C5orf22: variants seen among roughly 807,000 people sequenced by gnomAD.
C5orf22 encodes the protein UPF0489 protein C5orf22.
A neutral mutation model predicts 48.7 loss-of-function variants in C5orf22; 36 were observed. That is an observed-to-expected ratio of 0.74 (90% CI 0.57 to 0.98). C5orf22 has a LOEUF of 0.98. Ranked by LOEUF, C5orf22 falls within the 50% of genes least tolerant of loss-of-function variation. The pLI is 0.00. For missense variants in C5orf22, 486 were observed against 521.9 expected, an observed-to-expected ratio of 0.93 and a Z score of 0.67; for synonymous variants, 141 against 180.8, an observed-to-expected ratio of 0.78 and a Z score of 1.76.
At chr5:31,549,454 T>G (rs188741565) in intron 7 of C5orf22, among the ~76,000 whole-genome samples, 3 of 149,106 alleles carry the variant, frequency 2.0e-5, no homozygotes, top group African/African-American at 7.5e-5. Context: ...AGACTTAAAC[T>G]TTTTTGTTTA....
chr5:31,551,233 T>A, intron 7 of C5orf22, 60 bp from the exon 8 acceptor site: 1 of 1,536,200 alleles, frequency 6.5e-7, no homozygotes, highest in African/African-American at 1.4e-5. Context: ...CCATTAATGA[T>A]TAAAGAAGCT....
chr5:31,533,173 T>C lies in C5orf22; in HGVS notation c.81+700T>C, dbSNP rs541524149. Among the ~76,000 whole-genome samples, 7 of 152,082 alleles carry C rather than the reference T, an allele frequency of 4.6e-5. 1 individual carries two copies. Among genetic ancestry groups the C allele is most frequent in the African/African-American group, 1.7e-4 (7 of 41,486 alleles). On this transcript the variant is annotated intron_variant, in intron 1 of 8. Coordinates refer to ENST00000325366, the MANE Select transcript of C5orf22 (RefSeq NM_018356.3). ...CTTCGCCACGTTAGCCAGGATGGTC[T>C]GAAAGTCTGACCTCACGTGATCGGC...
chr5:31,546,975 A>AAAGTC, intron 7 of C5orf22, among the ~76,000 whole-genome samples: 1 of 152,306 alleles, frequency 6.6e-6, no homozygotes, highest in East Asian at 1.9e-4. Flanking sequence ...CATTAACTCA[A>AAAGTC]AAGTCCACAG....
Position 31,532,441 on chromosome 5 carries a change from C to T in C5orf22, c.49C>T (p.Leu17Phe). The stretch of plus-strand genomic sequence containing the variant: ...CGCTGGTCTCCGGCGTTACCCCAAG[C>T]TCCCAGTGTGGGTGGTGGAGGATCA... The part of the protein sequence containing the change: ...GRAGLRRYPK[L>F]PVWVVEDHQE... The change falls in exon 1 of 9, where the codon CTC becomes TTC. Residue 17 changes from leucine to phenylalanine, a missense_variant. Leu to Phe is a conservative substitution (Grantham distance 22). Coordinates refer to ENST00000325366, the MANE Select transcript of C5orf22 (RefSeq NM_018356.3). 1 of 1,613,934 alleles carries T rather than the reference C, an allele frequency of 6.2e-7. No homozygotes were observed.
In C5orf22 at chr5:31,553,029, T is replaced by C; in HGVS notation, c.*127T>C. The C allele has an allele frequency of 1.1e-6, 1 of 922,514 alleles. No homozygotes were observed. Among genetic ancestry groups the C allele is most frequent in the African/African-American group, 1.7e-5 (1 of 59,774 alleles). 57.1% of individuals were successfully genotyped at this position (922,514 alleles called of 1,614,324 possible). ...ACTTTCAGTTGAAATCTTTCAGATA[T>C]TTTGAATCTCTGAACAACCATTGTC... On this transcript the variant is annotated 3_prime_UTR_variant, in exon 9 of 9. Coordinates refer to ENST00000325366, the MANE Select transcript of C5orf22 (RefSeq NM_018356.3).
intron 8 of C5orf22, 135 bp downstream of exon 8, chr5:31,551,567 T>G: frequency 2.9e-6 from 2 of 695,400 alleles, no homozygotes; most frequent in Non-Finnish European, 4.8e-6. Flanking sequence ...GATGAGATTA[T>G]CCTGGATTTA....
At chr5:31,544,540 T>C (rs1344620756) in intron 6 of C5orf22, among the ~76,000 whole-genome samples, 3 of 150,582 alleles carry the variant, frequency 2.0e-5, no homozygotes, top group East Asian at 2.0e-4. Flanking sequence ...GCCGAGATCG[T>C]GCCACTGCAC....
rs1335238689 is a variant in C5orf22, at chr5:31,553,152, TG to T, written c.*251del. ...CTTCCTTAAGTATTTTTTAGGGTTT[TG>T]TTTTTTTTTTTGTTTGTTTGTTTGT... On this transcript the variant is annotated 3_prime_UTR_variant, in exon 9 of 9. Transcript: ENST00000325366. 4 of 295,944 alleles carry T rather than the reference TG, an allele frequency of 1.4e-5. No individual in the cohort carries two copies. Among genetic ancestry groups the T allele is most frequent in the Admixed American group, 9.4e-5 (2 of 21,304 alleles). The allele number at this position is 295,944 out of a possible 1,614,324, so 18.3% of individuals were successfully genotyped here. A position where few individuals can be genotyped will look rare whatever the true frequency, so the allele number is the denominator to read the frequency against.
Position 31,545,244 on chromosome 5 carries a change from G to T in C5orf22, c.993-402G>T, listed in dbSNP as rs574784554. Among the ~76,000 whole-genome samples the T allele has an allele frequency of 2.0e-5, 3 of 152,056 alleles. 1 individual carries two copies. Among genetic ancestry groups the T allele is most frequent in the African/African-American group, 7.2e-5 (3 of 41,484 alleles). ...TGGCTAATTTTGTATTTTTAGTCGA[G>T]ACAGGGTTTCACCACATTGGCCAGG... is the stretch of plus-strand genomic sequence containing the variant. On this transcript the variant is annotated intron_variant, in intron 6 of 8. Coordinates refer to ENST00000325366, the MANE Select transcript of C5orf22 (RefSeq NM_018356.3).
chr5:31,535,959 A>T, intron 3 of C5orf22, 66 bp downstream of exon 3: 1 of 1,495,080 alleles, frequency 6.7e-7, no homozygotes, highest in African/African-American at 1.4e-5. Context: ...GGATTCCTAT[A>T]ATAACTTCAT....
chr5:31,551,181 CAT>C, intron 7 of C5orf22, 110 bp from the exon 8 acceptor site: 1 of 1,031,526 alleles, frequency 9.7e-7, no homozygotes, highest in East Asian at 2.6e-5. Flanking sequence ...AAAATATGCA[CAT>C]CTTTTATGTA....
chr5:31,553,999 T>A lies in C5orf22; in HGVS notation c.*1097T>A, dbSNP rs1355671315. On this transcript the variant is annotated 3_prime_UTR_variant, in exon 9 of 9. Transcript: ENST00000325366. Reference sequence around the variant, plus strand: ...ATCTTTAATTCTGACCTGCCATAAATACCCAAAGATATAAACTGTCTTCCA... The same window carrying A: ...ATCTTTAATTCTGACCTGCCATAAAAACCCAAAGATATAAACTGTCTTCCA... 2 of 152,144 alleles carry A rather than the reference T, an allele frequency of 1.3e-5. No individual in the cohort carries two copies. Among genetic ancestry groups the A allele is most frequent in the Non-Finnish European group, 2.9e-5 (2 of 68,016 alleles). The allele number at this position is 152,144 out of a possible 1,614,324, so 9.4% of individuals were successfully genotyped here.
chr5:31,543,506 G>A (rs1742601538), intron 6 of C5orf22, among the ~76,000 whole-genome samples: 1 of 152,094 alleles, frequency 6.6e-6, no homozygotes, highest in Non-Finnish European at 1.5e-5. Context: ...GGAGGTCAAG[G>A]CTGCAGTGAG....
In C5orf22 at chr5:31,535,950, G is replaced by A; in HGVS notation, c.377+57G>A. 4.5e-6 allele frequency: 7 copies of A among 1,542,572 alleles called. No homozygotes were observed. In the South Asian group the frequency reaches 7.0e-5, roughly 15 times the overall value. On this transcript the variant is annotated intron_variant, in intron 3 of 8. Coordinates refer to ENST00000325366, the MANE Select transcript of C5orf22 (RefSeq NM_018356.3). The stretch of plus-strand genomic sequence containing the variant: ...GATTGAATGTTTCTATCTTATTTTG[G>A]ATTCCTATAATAACTTCATAAGTCT...
Position 31,535,785 on chromosome 5 carries a change from C to T in C5orf22, c.269C>T (p.Ala90Val). The change falls in exon 3 of 9, where the codon GCT (alanine) becomes GTT (valine). Residue 90 changes from alanine to valine, a missense_variant. Transcript: ENST00000325366. The part of the protein sequence containing the change: ...IENWIMPAVY[A>V]GHFSHVIWFH... ...AATTGGATTATGCCTGCAGTTTATG[C>T]TGGCCATTTTTCACATGTAATATGG... is the stretch of plus-strand genomic sequence containing the variant. The T allele has an allele frequency of 6.2e-7, 1 of 1,612,116 alleles. No homozygotes were observed. Among genetic ancestry groups the T allele is most frequent in the Non-Finnish European group, 8.5e-7 (1 of 1,179,090 alleles).
At chr5:31,552,500 G>A (rs115566747) in intron 8 of C5orf22, among the ~76,000 whole-genome samples, 2,351 of 152,238 alleles carry the variant, frequency 0.015, 70 homozygotes, top group African/African-American at 0.054. Context: ...GGCACACACC[G>A]CATGTCACCT....
chr5:31,534,811 G>C, intron 2 of C5orf22: 1 of 324,868 alleles, frequency 3.1e-6, no homozygotes, highest in Middle Eastern at 4.5e-4. Context: ...AGCAGTTCCA[G>C]GCTGTGATCA....
intron 6 of C5orf22, among the ~76,000 whole-genome samples, chr5:31,545,144 C>T (rs781631101): frequency 6.6e-5 from 10 of 151,792 alleles, no homozygotes; most frequent in South Asian, 2.1e-4. Context: ...CTGCAAACTC[C>T]GCCTCCTGGG....
intron 2 of C5orf22, chr5:31,534,631 T>G: frequency 1.9e-6 from 1 of 524,810 alleles, no homozygotes; most frequent in Non-Finnish European, 3.4e-6. Context: ...ATATGGTCTC[T>G]GTTGCAACTA....
Sources: gnomAD v4.1 joint callset for allele counts (sites outside exome capture counted in the v4.1 genomes callset) on GRCh38, gnomAD v4.1.1 for gene constraint, MANE v1.5 for transcripts, NCBI Gene and HGNC (gene_info 2026-07-23, HGNC 2026-07-21) for gene names.